The following CAPG variants were observed in gnomAD, a reference collection of about 807,000 sequenced individuals.
CAPG encodes capping actin protein, gelsolin like.
CAPG carries 32 observed loss-of-function variants against 44.6 expected under a neutral mutation model. The ratio of observed to expected loss-of-function variants is 0.72; its 90% confidence interval spans 0.54 to 0.96. The LOEUF (loss-of-function observed/expected upper bound fraction) is 0.96. Among genes scored for constraint, CAPG ranks in the 50% least tolerant of loss-of-function variants. CAPG has a pLI of 0.00. For missense variants in CAPG, 412 were observed against 438.3 expected (o/e 0.94, Z 0.54); for synonymous variants, 175 against 179.6 (o/e 0.97, Z 0.20).
At chr2:85,405,013 C>T (rs1469927311) in intron 1 of CAPG, among the ~76,000 whole-genome samples, 1 of 151,634 alleles carries the variant, frequency 6.6e-6, no homozygotes, top group African/African-American at 2.4e-5. Context: ...AAAAAGGCAT[C>T]TATTAAAATA....
chr2:85,396,869 T>C (rs1236602861), intron 8 of CAPG, among the ~76,000 whole-genome samples: 5 of 152,180 alleles, frequency 3.3e-5, no homozygotes, highest in Non-Finnish European at 7.3e-5. Flanking sequence ...ACCCACCTAC[T>C]TGTCTGCCTT....
intron 1 of CAPG, among the ~76,000 whole-genome samples, chr2:85,417,655 T>C (rs1687595070): frequency 6.6e-6 from 1 of 151,884 alleles, no homozygotes; most frequent in Non-Finnish European, 1.5e-5. Flanking sequence ...GGTAATTTTT[T>C]CTATTTTTAG....
chr2:85,405,685 C>T (rs1250729064), intron 1 of CAPG, among the ~76,000 whole-genome samples: 1 of 152,172 alleles, frequency 6.6e-6, no homozygotes, highest in Non-Finnish European at 1.5e-5. Flanking sequence ...CCTTTCCCAA[C>T]CTACAAAATA....
rs753266661 is a variant in CAPG at position 85,402,110 on chromosome 2, G to A, written c.23+13C>T. ...AGGGGAAGTTGTGAAAGGAGATGGG[G>A]CATGCAGCTTACCTCTGGGGAATGG... On this transcript the variant is annotated intron_variant, in intron 2 of 9. Coordinates refer to ENST00000263867, the MANE Select transcript of CAPG (RefSeq NM_001747.4). 1.5e-5 allele frequency: 24 copies of A among 1,609,820 alleles called. No individual in the cohort carries two copies. In the East Asian group the frequency reaches 2.5e-4, roughly 16 times the overall value.
chr2:85,399,204 T>C lies in CAPG; in HGVS notation c.598A>G (p.Ser200Gly), dbSNP rs147589569. 2.8e-4 allele frequency: 453 copies of C among 1,614,116 alleles called. No homozygotes were observed. The highest frequency in any genetic ancestry group is 3.6e-4 in the Non-Finnish European group (425 of 1,180,024). Residue 200 changes from serine (S) to glycine (G), a missense_variant, in exon 6 of 10, where the codon AGT becomes GGT. Transcript: ENST00000263867. Reference sequence around the variant, plus strand: ...ACCTGGGCCTTGCCCTGTCGCTCACTGTCCCGGATGGCCAGGGCCAGGTCC... The same window carrying C: ...ACCTGGGCCTTGCCCTGTCGCTCACCGTCCCGGATGGCCAGGGCCAGGTCC... ...ARDLALAIRD[S>G]ERQGKAQVEI...
intron 1 of CAPG, among the ~76,000 whole-genome samples, chr2:85,405,035 C>T (rs1464639109): frequency 5.3e-5 from 8 of 151,124 alleles, no homozygotes; most frequent in Middle Eastern, 3.4e-3. Flanking sequence ...AACAAACAAA[C>T]AAAAACCCTT....
intron 7 of CAPG, 56 bp downstream of exon 7, chr2:85,398,634 G>T: frequency 7.2e-7 from 1 of 1,395,050 alleles, no homozygotes; most frequent in Non-Finnish European, 1.0e-6. Context: ...CAGCTGTGCT[G>T]TGCAGGCTCC....
At chr2:85,418,572 G>C (rs918237445), upstream of CAPG, 5 of 151,818 alleles carry the variant, frequency 3.3e-5, no homozygotes, top group African/African-American at 4.8e-5. Flanking sequence ...CCTCGGGGAC[G>C]GGAGCACCAC....
upstream of CAPG, among the ~76,000 whole-genome samples, chr2:85,411,594 T>G (rs138709959): frequency 7.6e-4 from 116 of 152,334 alleles, no homozygotes; most frequent in African/African-American, 2.5e-3. Flanking sequence ...GCCCAGAACC[T>G]AGCCGGCCTG....
chr2:85,394,718 G>A, downstream of CAPG: 2 of 665,110 alleles, frequency 3.0e-6, no homozygotes, highest in South Asian at 1.7e-5. Flanking sequence ...AGGTGAATAG[G>A]TGGGTGACAG....
Position 85,397,893 on chromosome 2 carries a change from C to T in CAPG, c.892+127G>A. On this transcript the variant is annotated intron_variant, in intron 8 of 9. Coordinates refer to ENST00000263867, the MANE Select transcript of CAPG (RefSeq NM_001747.4). The stretch of plus-strand genomic sequence containing the variant: ...TTTTTAAAGAGAGAAAATGGTCAGC[C>T]AGAAGCATGCAGGCTTCCTGAGGCT... 9.6e-6 allele frequency: 9 copies of T among 940,074 alleles called. No individual in the cohort carries two copies. In the South Asian group the frequency reaches 1.4e-4, roughly 14 times the overall value. The allele number at this position is 940,074 out of a possible 1,614,324, so 58.2% of individuals were successfully genotyped here. A position where few individuals can be genotyped will look rare whatever the true frequency, so the allele number is the denominator to read the frequency against.
chr2:85,398,834 C>T, intron 6 of CAPG, 52 bp from the exon 7 acceptor site: 1 of 1,380,292 alleles, frequency 7.2e-7, no homozygotes, highest in Non-Finnish European at 1.0e-6. Context: ...CCTGGAACTT[C>T]CCAGCCCATC....
At chr2:85,396,432 A>G (rs1686602068) in intron 8 of CAPG, among the ~76,000 whole-genome samples, 1 of 152,076 alleles carries the variant, frequency 6.6e-6, no homozygotes, top group South Asian at 2.1e-4. Context: ...CAAGGAAATG[A>G]TACCGAAACG....
intron 1 of CAPG, among the ~76,000 whole-genome samples, chr2:85,402,474 A>AT (rs897082813): frequency 1.9e-4 from 29 of 150,562 alleles, no homozygotes; most frequent in African/African-American, 2.7e-4. Context: ...AGAGCAATGA[A>AT]TTTTTTTTTT....
rs897082813 is a variant in CAPG, at chr2:85,402,474, AT to A, written c.-13-317del. Among the ~76,000 whole-genome samples the A allele has an allele frequency of 9.4e-3, 1,422 of 150,654 alleles. 24 individuals are homozygous for A. Among genetic ancestry groups the A allele is most frequent in the African/African-American group, 0.033 (1,369 of 41,118 alleles). ...CAGAAACAAGAGAGAAGAGCAATGA[AT>A]TTTTTTTTTGAGACTGAGTCTCACT... On this transcript the variant is annotated intron_variant, in intron 1 of 9. Coordinates refer to ENST00000263867, the MANE Select transcript of CAPG (RefSeq NM_001747.4).
Position 85,399,204 on chromosome 2 carries a change from T to G in CAPG, c.598A>C (p.Ser200Arg). Residue 200 changes from serine to arginine, a missense_variant, in exon 6 of 10, where the codon AGT (serine) becomes CGT (arginine). Ser to Arg is a moderately radical substitution (Grantham distance 110). Transcript: ENST00000263867. ...ACCTGGGCCTTGCCCTGTCGCTCAC[T>G]GTCCCGGATGGCCAGGGCCAGGTCC... ...ARDLALAIRD[S>R]ERQGKAQVEI... The G allele has an allele frequency of 6.2e-7, 1 of 1,614,234 alleles. No homozygotes were observed. Among genetic ancestry groups the G allele is most frequent in the Non-Finnish European group, 8.5e-7 (1 of 1,180,016 alleles).
At chr2:85,411,824 G>A (rs548688741), upstream of CAPG, among the ~76,000 whole-genome samples, 1 of 152,322 alleles carries the variant, frequency 6.6e-6, no homozygotes, top group African/African-American at 2.4e-5. Context: ...CACTTTGGGA[G>A]ACTGAGGCAG....
At chr2:85,402,027 C>A (rs538006072) in intron 2 of CAPG, 70 bp from the exon 3 acceptor site, 2 of 1,610,360 alleles carry the variant, frequency 1.2e-6, no homozygotes, top group Non-Finnish European at 1.7e-6. Flanking sequence ...GCAGGCCTGG[C>A]GACTGCAGTC....
intron 6 of CAPG, 29 bp from the exon 7 acceptor site, chr2:85,398,811 T>C (rs1437070145): frequency 1.3e-6 from 2 of 1,514,032 alleles, no homozygotes; most frequent in Non-Finnish European, 1.8e-6. Flanking sequence ...GCCAGGTTTA[T>C]AGGGACCCCT....
Sources: allele counts gnomAD v4.1 joint callset (sites outside exome capture counted in the v4.1 genomes callset), GRCh38; gene constraint gnomAD v4.1.1; transcripts MANE v1.5; gene names NCBI Gene and HGNC (gene_info 2026-07-23, HGNC 2026-07-21).